Variants in IFIH1 observed in about 807,000 individuals in gnomAD.
IFIH1 encodes the protein interferon-induced helicase C domain-containing protein 1.
A neutral mutation model predicts 107.4 loss-of-function variants in IFIH1; 125 were observed. The observed-to-expected ratio is 1.16, with a 90% CI of 1.01 to 1.35. The LOEUF (loss-of-function observed/expected upper bound fraction) is 1.35, where lower values mean the gene tolerates loss of function less well. Among genes scored for constraint, IFIH1 ranks in the 40% most tolerant of loss-of-function variants. The pLI, the probability that IFIH1 is intolerant of heterozygous loss-of-function variation, is 0.00. For missense variants in IFIH1, 1,333 were observed against 1,213.7 expected, an observed-to-expected ratio of 1.10 and a Z score of -1.46; for synonymous variants, 458 against 413.2, an observed-to-expected ratio of 1.11 and a Z score of -1.31.
intron 1 of IFIH1, among the ~76,000 whole-genome samples, chr2:162,316,662 A>T (rs1683492143): frequency 6.6e-6 from 1 of 152,174 alleles, no homozygotes; most frequent in Non-Finnish European, 1.5e-5. Context: ...GAGAGAGAGA[A>T]AAAAACCATG....
At chr2:162,276,623 A>AGAAGAGAAGAGAAGAAGAAAAGAG in intron 11 of IFIH1, 64 bp downstream of exon 11, 1 of 1,513,814 alleles carries the variant, frequency 6.6e-7, no homozygotes. Flanking sequence ...GAAGAAGAGA[A>AGAAGAGAAGAGAAGAAGAAAAGAG]GAAGAGAAGA....
At chr2:162,282,609 G>T in intron 5 of IFIH1, 33 bp from the exon 6 acceptor site, 1 of 1,475,530 alleles carries the variant, frequency 6.8e-7, no homozygotes, top group Non-Finnish European at 9.3e-7. Context: ...TTAAAAGAGA[G>T]AAAGTTAGTC....
At chr2:162,290,974 A>T (rs1441478171) in intron 4 of IFIH1, among the ~76,000 whole-genome samples, 1 of 151,816 alleles carries the variant, frequency 6.6e-6, no homozygotes, top group Non-Finnish European at 1.5e-5. Context: ...ATGAGCCAGG[A>T]GCCAATTTCC....
intron 13 of IFIH1, among the ~76,000 whole-genome samples, chr2:162,269,900 C>A (rs996061257): frequency 2.0e-5 from 3 of 151,988 alleles, no homozygotes; most frequent in African/African-American, 7.2e-5. Flanking sequence ...TAAATTATAG[C>A]AAAATAATAC....
At chr2:162,303,980 C>T (rs751180302) in intron 3 of IFIH1, among the ~76,000 whole-genome samples, 1 of 152,014 alleles carries the variant, frequency 6.6e-6, no homozygotes, top group Non-Finnish European at 1.5e-5. Context: ...TTGTAAAGGA[C>T]ATTTATTAAA....
rs929048776 is a variant in IFIH1, at chr2:162,308,264, G to A, written c.623-1409C>T. On this transcript the variant is annotated intron_variant, in intron 2 of 15. Transcript: ENST00000649979. ...TTGCAGATGGCCACGTTCTCCCTGC[G>A]TCCTCACACGGTTAAGAGAGAGAAA... Among the ~76,000 whole-genome samples, 5 of 152,136 alleles carry A rather than the reference G, an allele frequency of 3.3e-5. No homozygotes were observed. In the East Asian group the frequency reaches 5.8e-4, roughly 18 times the overall value.
At chr2:162,305,611 A>T (rs1347498682) in intron 3 of IFIH1, among the ~76,000 whole-genome samples, 2 of 152,224 alleles carry the variant, frequency 1.3e-5, no homozygotes, top group South Asian at 2.1e-4. Context: ...TTAAAAAAAT[A>T]AAAATAATAA....
At chr2:162,288,457 T>C in intron 4 of IFIH1, 102 bp from the exon 5 acceptor site, 2 of 736,230 alleles carry the variant, frequency 2.7e-6, no homozygotes, top group Non-Finnish European at 2.3e-6. Context: ...AAACTCCTTT[T>C]CACATGTGGT....
chr2:162,267,760 G>A (rs1690954756), intron 14 of IFIH1, among the ~76,000 whole-genome samples, 191 bp from the exon 15 acceptor site: 1 of 152,154 alleles, frequency 6.6e-6, no homozygotes, highest in Non-Finnish European at 1.5e-5. Flanking sequence ...TACCTCTCAA[G>A]GGGCATGTTG....
In IFIH1 at chr2:162,276,759, A is replaced by T. The variant is rs201142986; in HGVS notation, c.2232T>A (p.Phe744Leu). 9.4e-5 allele frequency: 151 copies of T among 1,614,026 alleles called. 1 individual carries two copies. The East Asian group carries it at 2.9e-3, about 31-fold the overall frequency. The change falls in exon 11 of 16, where the codon TTT becomes TTA. Residue 744 changes from phenylalanine (F) to leucine (L), a missense_variant. Coordinates refer to ENST00000649979, the MANE Select transcript of IFIH1 (RefSeq NM_022168.4). The part of the protein sequence containing the change: ...LSQWITENEK[F>L]AEVGVKAHHL... ...GGTGGGCTTTGACTCCTACTTCAGC[A>T]AATTTTTCATTTTCAGTAATCCACT...
chr2:162,288,328 G>C lies in IFIH1; in HGVS notation c.902C>G (p.Ser301Cys), dbSNP rs764283944. The C allele has an allele frequency of 6.2e-7, 1 of 1,612,554 alleles. No individual in the cohort carries two copies. Among genetic ancestry groups the C allele is most frequent in the South Asian group, 1.1e-5 (1 of 91,050 alleles). ...CCTGAGCTGGAGTTCTGGCTCCGGG[G>C]ATGCTCTTGCTGCCACATTCTCTTC... Reference protein sequence around the residue: ...SDEENVAARASPEPELQLRPY... With the variant: ...SDEENVAARACPEPELQLRPY... Residue 301 changes from serine (S) to cysteine (C), a missense_variant, in exon 5 of 16, where the codon TCC becomes TGC. Coordinates refer to ENST00000649979, the MANE Select transcript of IFIH1 (RefSeq NM_022168.4).
chr2:162,302,876 A>T (rs79909261), intron 3 of IFIH1, among the ~76,000 whole-genome samples: 35 of 152,344 alleles, frequency 2.3e-4, no homozygotes, highest in African/African-American at 6.0e-4. Context: ...TCAAATCCAC[A>T]TGAGAAATCC....
In IFIH1 at chr2:162,318,413, A is replaced by T; in HGVS notation, c.-106T>A. On this transcript the variant is annotated 5_prime_UTR_variant, in exon 1 of 16. Coordinates refer to ENST00000649979, the MANE Select transcript of IFIH1 (RefSeq NM_022168.4). ...CTGTCCGCTGCCCACTTAGAGAAGC[A>T]GGGTCTACCGCTCTGTGCCTGACAA... 2 of 921,980 alleles carry T rather than the reference A, an allele frequency of 2.2e-6. No homozygotes were observed. The highest frequency in any genetic ancestry group is 1.7e-6 in the Non-Finnish European group (1 of 588,208). The allele number at this position is 921,980 out of a possible 1,614,324, so 57.1% of individuals were successfully genotyped here.
chr2:162,272,460 TG>T, intron 12 of IFIH1, 73 bp from the exon 13 acceptor site: 2 of 1,274,890 alleles, frequency 1.6e-6, no homozygotes, highest in Non-Finnish European at 2.2e-6. Context: ...TTTCTGGGAA[TG>T]ATATTCTTGC....
At chr2:162,275,621 G>A (rs1691137482) in intron 11 of IFIH1, among the ~76,000 whole-genome samples, 1 of 152,090 alleles carries the variant, frequency 6.6e-6, no homozygotes, top group Non-Finnish European at 1.5e-5. Flanking sequence ...TTTTTTTCCA[G>A]CAAACACTGA....
chr2:162,309,635 T>C (rs982220382), intron 2 of IFIH1, among the ~76,000 whole-genome samples: 1 of 152,220 alleles, frequency 6.6e-6, no homozygotes, highest in Non-Finnish European at 1.5e-5. Flanking sequence ...GCTGATTAAG[T>C]CCATCAGTAG....
intron 7 of IFIH1, among the ~76,000 whole-genome samples, 188 bp from the exon 8 acceptor site, chr2:162,280,300 G>A (rs983780968): frequency 6.6e-6 from 1 of 151,910 alleles, no homozygotes; most frequent in Non-Finnish European, 1.5e-5. Flanking sequence ...GTTTTATTAT[G>A]GATCTCATTA....
Position 162,318,252 on chromosome 2 carries a change from C to G in IFIH1, c.56G>C (p.Arg19Thr). 1 of 1,614,164 alleles carries G rather than the reference C, an allele frequency of 6.2e-7. No homozygotes were observed. The highest frequency in any genetic ancestry group is 8.5e-7 in the Non-Finnish European group (1 of 1,180,040). Reference sequence around the variant, plus strand: ...CTGGATGTACATTTTCACCCTGGCCCTGAAGCACGAGATGAGATAGCGGAA... The same window carrying G: ...CTGGATGTACATTTTCACCCTGGCCGTGAAGCACGAGATGAGATAGCGGAA... ...ENFRYLISCF[R>T]ARVKMYIQVE... Residue 19 changes from arginine (R) to threonine (T), a missense_variant, in exon 1 of 16, where the codon AGG becomes ACG. By Grantham distance (71) the Arg-to-Thr change is moderately conservative. Transcript: ENST00000649979.
intron 2 of IFIH1, among the ~76,000 whole-genome samples, chr2:162,308,037 G>T (rs1336847475): frequency 6.6e-6 from 1 of 152,176 alleles, no homozygotes; most frequent in African/African-American, 2.4e-5. Context: ...AAGGAGCCTG[G>T]ATTTGATAAG....
Sources: gnomAD v4.1 joint callset for allele counts (sites outside exome capture counted in the v4.1 genomes callset) on GRCh38, gnomAD v4.1.1 for gene constraint, MANE v1.5 for transcripts, NCBI Gene and HGNC (gene_info 2026-07-23, HGNC 2026-07-21) for gene names.